Variants in GRIN2B observed in about 807,000 individuals in gnomAD.
The protein encoded by GRIN2B is glutamate receptor ionotropic, NMDA 2B.
Under a neutral mutation model 114.5 loss-of-function variants are expected in GRIN2B, and 5 were observed. That is an observed-to-expected ratio of 0.04 (90% CI 0.02 to 0.09). The LOEUF is 0.09. Among genes scored for constraint, GRIN2B ranks in the 10% least tolerant of loss-of-function variants. GRIN2B has a pLI of 1.00. For missense variants in GRIN2B, 1,108 were observed against 1,943.5 expected, an observed-to-expected ratio of 0.57 and a Z score of 8.08; for synonymous variants, 787 against 745.1, an observed-to-expected ratio of 1.06 and a Z score of -0.92.
chr12:13,719,110 G>T (rs2268118), intron 4 of GRIN2B, among the ~76,000 whole-genome samples: 14,313 of 151,774 alleles, frequency 0.094, 774 homozygotes, highest in East Asian at 0.18. Context: ...TCATCACCAC[G>T]CACTCTCTTC....
At chr12:13,587,939 A>T (rs1046869380) in intron 10 of GRIN2B, among the ~76,000 whole-genome samples, 2 of 152,196 alleles carry the variant, frequency 1.3e-5, no homozygotes, top group Non-Finnish European at 2.9e-5. Flanking sequence ...TTAATGACAA[A>T]ACCGAATGGC....
chr12:13,668,817 C>A (rs1949999159), intron 5 of GRIN2B, among the ~76,000 whole-genome samples: 1 of 151,438 alleles, frequency 6.6e-6, no homozygotes, highest in Non-Finnish European at 1.5e-5. Context: ...TTTTTCCCAG[C>A]CACCAGGAAA....
chr12:13,776,338 G>T (rs1004273924), intron 3 of GRIN2B, among the ~76,000 whole-genome samples: 19 of 152,164 alleles, frequency 1.2e-4, no homozygotes, highest in African/African-American at 4.6e-4. Flanking sequence ...ATCCCTAGGT[G>T]ATGGGATGAT....
intron 2 of GRIN2B, among the ~76,000 whole-genome samples, chr12:13,953,104 C>A (rs1341252938): frequency 1.3e-5 from 2 of 152,036 alleles, no homozygotes; most frequent in African/African-American, 2.4e-5. Context: ...ACTTACATGG[C>A]TGACACCTGG....
At position 13,661,632 on chromosome 12, in the gene GRIN2B, C is replaced by A. The variant is rs571615973; in HGVS notation, c.1125+14113G>T. 2.6e-5 allele frequency among the ~76,000 whole-genome samples: 4 copies of A among 152,242 alleles called. No individual in the cohort carries two copies. In the South Asian group the frequency reaches 8.3e-4, roughly 32 times the overall value. On this transcript the variant is annotated intron_variant, in intron 5 of 13. Coordinates refer to ENST00000609686, the MANE Select transcript of GRIN2B (RefSeq NM_000834.5). Reference sequence around the variant, plus strand: ...GGAATGACTCTTTTTCGAACTCATCCGTGTTCTAGGAGTTGCAAACTCCAG... The same window carrying A: ...GGAATGACTCTTTTTCGAACTCATCAGTGTTCTAGGAGTTGCAAACTCCAG...
At chr12:13,752,612 C>T (rs1863502094) in intron 4 of GRIN2B, among the ~76,000 whole-genome samples, 2 of 152,100 alleles carry the variant, frequency 1.3e-5, no homozygotes, top group African/African-American at 4.8e-5. Context: ...TTTAATACCC[C>T]ACGGAGGATG....
chr12:13,934,833 T>C (rs1231501392), intron 2 of GRIN2B, among the ~76,000 whole-genome samples: 1 of 144,066 alleles, frequency 6.9e-6, no homozygotes, highest in Non-Finnish European at 1.5e-5. Flanking sequence ...AGCAAAGCCA[T>C]GTGTGCTCAT....
chr12:13,933,410 T>G (rs1867074687), intron 2 of GRIN2B, among the ~76,000 whole-genome samples: 1 of 152,194 alleles, frequency 6.6e-6, no homozygotes, highest in African/African-American at 2.4e-5. Context: ...GTAGATTAAT[T>G]TAACAACAAT....
chr12:13,828,973 T>G (rs1475072050), intron 3 of GRIN2B, among the ~76,000 whole-genome samples: 2 of 152,200 alleles, frequency 1.3e-5, no homozygotes, highest in Non-Finnish European at 2.9e-5. Context: ...AATCTTCCCT[T>G]GCTCACTATA....
At chr12:13,767,889 T>C (rs1274647214) in intron 3 of GRIN2B, among the ~76,000 whole-genome samples, 2 of 152,208 alleles carry the variant, frequency 1.3e-5, no homozygotes, top group Non-Finnish European at 2.9e-5. Context: ...GTTATTAATA[T>C]TGAAATCTTC....
chr12:13,927,982 A>AAAAAAAAAAAAAAT, intron 2 of GRIN2B, among the ~76,000 whole-genome samples: 1 of 129,804 alleles, frequency 7.7e-6, no homozygotes, highest in East Asian at 2.2e-4. Flanking sequence ...AAAAAAAAAA[A>AAAAAAAAAAAAAAT]GGGGGGGTAT....
intron 2 of GRIN2B, among the ~76,000 whole-genome samples, chr12:13,896,288 T>G (rs570908215): frequency 6.6e-6 from 1 of 151,982 alleles, no homozygotes. Flanking sequence ...AAAGCGAAGG[T>G]GCAGGATGAG....
At chr12:13,895,648 A>AT (rs1263597795) in intron 2 of GRIN2B, among the ~76,000 whole-genome samples, 3 of 152,152 alleles carry the variant, frequency 2.0e-5, no homozygotes, top group Non-Finnish European at 4.4e-5. Context: ...GATAATAAAT[A>AT]TTTTACTGTT....
intron 4 of GRIN2B, among the ~76,000 whole-genome samples, chr12:13,739,132 G>A (rs1863233320): frequency 6.6e-6 from 1 of 152,064 alleles, no homozygotes; most frequent in Non-Finnish European, 1.5e-5. Flanking sequence ...TGTAATCCCA[G>A]CACTTTGGGA....
At chr12:13,951,375 TC>T (rs1383947671) in intron 2 of GRIN2B, among the ~76,000 whole-genome samples, 3 of 152,090 alleles carry the variant, frequency 2.0e-5, no homozygotes, top group Non-Finnish European at 4.4e-5. Context: ...GAGCATTCAT[TC>T]CAGGGAAGGA....
intron 4 of GRIN2B, among the ~76,000 whole-genome samples, chr12:13,703,519 A>AAT (rs1456326761): frequency 1.3e-5 from 2 of 152,302 alleles, no homozygotes; most frequent in South Asian, 4.1e-4. Context: ...ATACAACAGA[A>AAT]ATATATATCA....
rs1377357485 is a variant in GRIN2B, at chr12:13,556,696, T to A, written c.*6087A>T. The A allele has an allele frequency of 6.6e-6, 1 of 152,098 alleles. No individual in the cohort carries two copies. Among genetic ancestry groups the A allele is most frequent in the African/African-American group, 2.4e-5 (1 of 41,394 alleles). The allele number at this position is 152,098 out of a possible 1,614,324, so 9.4% of individuals were successfully genotyped here. On this transcript the variant is annotated 3_prime_UTR_variant, in exon 14 of 14. Transcript: ENST00000609686. ...TCTTTCACCTTCTCCAAAACACAGATTCTACACACCAGAGTGCCAAGGCTC... is the reference window on the plus strand; with the variant it reads ...TCTTTCACCTTCTCCAAAACACAGAATCTACACACCAGAGTGCCAAGGCTC...
In GRIN2B at chr12:13,556,630, G is replaced by A. The variant is rs766017406; in HGVS notation, c.*6153C>T. The A allele has an allele frequency of 1.3e-5, 2 of 152,194 alleles. No individual in the cohort carries two copies. The highest frequency in any genetic ancestry group is 2.9e-5 in the Non-Finnish European group (2 of 68,030). The allele number at this position is 152,194 out of a possible 1,614,324, so 9.4% of individuals were successfully genotyped here. A position where few individuals can be genotyped will look rare whatever the true frequency, so the allele number is the denominator to read the frequency against. On this transcript the variant is annotated 3_prime_UTR_variant, in exon 14 of 14. Coordinates refer to ENST00000609686, the MANE Select transcript of GRIN2B (RefSeq NM_000834.5). ...AAAATAACAGTTTAAATTGGGCTTA[G>A]TGTTGTGCTTTTTAATTGTACCTTA...
At chr12:13,913,351 C>T (rs574505380) in intron 2 of GRIN2B, among the ~76,000 whole-genome samples, 1 of 152,272 alleles carries the variant, frequency 6.6e-6, no homozygotes, top group East Asian at 1.9e-4. Flanking sequence ...GACAGGGAAA[C>T]AGGTGACAGA....
Sources: allele counts gnomAD v4.1 joint callset (sites outside exome capture counted in the v4.1 genomes callset), GRCh38; gene constraint gnomAD v4.1.1; transcripts MANE v1.5; gene names NCBI Gene and HGNC (gene_info 2026-07-23, HGNC 2026-07-21).